Variants in LRRC69 observed in about 807,000 individuals in gnomAD.
LRRC69 encodes the protein leucine-rich repeat-containing protein 69.
LRRC69 carries 42 observed loss-of-function variants against 37.8 expected under a neutral mutation model. The observed-to-expected ratio is 1.11, with a 90% CI of 0.87 to 1.44. The LOEUF is 1.44. Among genes scored for constraint, LRRC69 ranks in the 40% most tolerant of loss-of-function variants. The pLI is 0.00. For missense variants in LRRC69, 357 were observed against 401.9 expected (o/e 0.89, Z 0.96); for synonymous variants, 141 against 143.1 (o/e 0.99, Z 0.11).
At chr8:91,159,550 G>A (rs1224134453) in intron 5 of LRRC69, among the ~76,000 whole-genome samples, 2 of 151,100 alleles carry the variant, frequency 1.3e-5, no homozygotes, top group East Asian at 2.0e-4. Context: ...ATACACTCTA[G>A]CTGAAAGAGC....
intron 5 of LRRC69, among the ~76,000 whole-genome samples, chr8:91,154,691 T>C (rs1292905994): frequency 6.6e-6 from 1 of 151,662 alleles, no homozygotes; most frequent in Non-Finnish European, 1.5e-5. Context: ...TGTTAAAAAC[T>C]CTCAATAAAC....
At chr8:91,140,875 G>C (rs1365966334) in intron 5 of LRRC69, among the ~76,000 whole-genome samples, 1 of 97,540 alleles carries the variant, frequency 1.0e-5, no homozygotes, top group Admixed American at 9.0e-5. Context: ...GGATGGTCTC[G>C]ATCTCCTGAC....
intron 7 of LRRC69, among the ~76,000 whole-genome samples, chr8:91,201,589 A>T (rs1182474056): frequency 6.6e-6 from 1 of 152,184 alleles, no homozygotes; most frequent in Non-Finnish European, 1.5e-5. Context: ...AGGTGGGTCA[A>T]ATTTGGCCTG....
chr8:91,180,576 C>T lies in LRRC69; in HGVS notation c.652-8946C>T, dbSNP rs576773747. 2.6e-5 allele frequency among the ~76,000 whole-genome samples: 4 copies of T among 152,252 alleles called. No homozygotes were observed. The East Asian group carries it at 7.7e-4, about 29-fold the overall frequency. ...AATTAGGCTCTACCTCTTAAAGGAG[C>T]AGTAACAAATAATTTGTGGATATAT... On this transcript the variant is annotated intron_variant, in intron 5 of 7. Transcript: ENST00000448384.
At chr8:91,176,561 G>T (rs1382828786) in intron 5 of LRRC69, among the ~76,000 whole-genome samples, 1 of 152,056 alleles carries the variant, frequency 6.6e-6, no homozygotes, top group African/African-American at 2.4e-5. Flanking sequence ...ATGATTATGG[G>T]TTTGAGCAGT....
intron 6 of LRRC69, among the ~76,000 whole-genome samples, chr8:91,193,725 T>C (rs1469115841): frequency 7.4e-5 from 10 of 134,486 alleles, no homozygotes; most frequent in Non-Finnish European, 1.1e-4. Flanking sequence ...CTGAAGTTGC[T>C]TATCAGCTTA....
intron 5 of LRRC69, among the ~76,000 whole-genome samples, chr8:91,145,137 A>G (rs761980869): frequency 1.3e-5 from 2 of 151,990 alleles, no homozygotes; most frequent in Non-Finnish European, 2.9e-5. Context: ...ATTGTGGGAA[A>G]GAAACTCCTT....
chr8:91,190,271 T>G lies in LRRC69; in HGVS notation c.753+648T>G, dbSNP rs371288181. 1.2e-4 allele frequency among the ~76,000 whole-genome samples: 18 copies of G among 152,002 alleles called. No individual in the cohort carries two copies. The South Asian group carries it at 2.1e-3, about 18-fold the overall frequency. ...GTCTTGTCCAGTGGCTTACTTTGTT[T>G]TTTTTTTTTTAATTAAATTATTGTA... On this transcript the variant is annotated intron_variant, in intron 6 of 7. Transcript: ENST00000448384.
At chr8:91,176,134 A>ATATTTTTTTTTTTTTT in intron 5 of LRRC69, among the ~76,000 whole-genome samples, 2 of 75,702 alleles carry the variant, frequency 2.6e-5, no homozygotes, top group African/African-American at 6.1e-5. Context: ...ATATATATAT[A>ATATTTTTTTTTTTTTT]TTTTTTTTTT....
intron 7 of LRRC69, among the ~76,000 whole-genome samples, chr8:91,202,201 G>A (rs1809721544): frequency 6.6e-6 from 1 of 151,128 alleles, no homozygotes; most frequent in South Asian, 2.1e-4. Flanking sequence ...GCGAGACTCT[G>A]TCTAAAACAA....
chr8:91,185,460 T>A (rs1407359009), intron 5 of LRRC69, among the ~76,000 whole-genome samples: 1 of 152,154 alleles, frequency 6.6e-6, no homozygotes, highest in Non-Finnish European at 1.5e-5. Context: ...CCTCTAAGGA[T>A]CTTCTCTTGG....
intron 7 of LRRC69, among the ~76,000 whole-genome samples, chr8:91,203,679 G>T (rs1418141445): frequency 6.6e-6 from 1 of 151,734 alleles, no homozygotes; most frequent in Non-Finnish European, 1.5e-5. Flanking sequence ...GATTACAAGC[G>T]TAAGCCACTG....
chr8:91,180,924 T>C (rs1364040319), intron 5 of LRRC69, among the ~76,000 whole-genome samples: 3 of 152,052 alleles, frequency 2.0e-5, no homozygotes, highest in African/African-American at 7.2e-5. Flanking sequence ...GATAATTGTG[T>C]AGAAAGTGAA....
chr8:91,146,493 C>G (rs891973182), intron 5 of LRRC69, among the ~76,000 whole-genome samples: 1 of 150,826 alleles, frequency 6.6e-6, no homozygotes, highest in African/African-American at 2.4e-5. Context: ...AAATGTGGCT[C>G]TTGTACAGAC....
intron 5 of LRRC69, among the ~76,000 whole-genome samples, chr8:91,180,286 T>C (rs1809302344): frequency 6.6e-6 from 1 of 152,142 alleles, no homozygotes; most frequent in African/African-American, 2.4e-5. Flanking sequence ...AGCTGGAGGA[T>C]CTGCTTCCAA....
intron 5 of LRRC69, among the ~76,000 whole-genome samples, chr8:91,178,238 A>G (rs1369903900): frequency 6.6e-6 from 1 of 152,214 alleles, no homozygotes; most frequent in Admixed American, 6.5e-5. Flanking sequence ...TAGATGACAG[A>G]GTAGTAGTTG....
At chr8:91,206,847 G>T (rs568232734) in intron 7 of LRRC69, 2 of 1,287,860 alleles carry the variant, frequency 1.6e-6, no homozygotes, top group African/African-American at 3.0e-5. Flanking sequence ...GAGAAACCAA[G>T]TAATTTTGCC....
chr8:91,200,359 C>T (rs999937900), intron 6 of LRRC69, among the ~76,000 whole-genome samples: 7 of 152,142 alleles, frequency 4.6e-5, no homozygotes, highest in South Asian at 2.1e-4. Flanking sequence ...AAATGTATTA[C>T]GACTTGGATT....
intron 5 of LRRC69, among the ~76,000 whole-genome samples, chr8:91,141,832 A>G (rs1808537877): frequency 6.6e-6 from 1 of 152,030 alleles, no homozygotes; most frequent in Admixed American, 6.6e-5. Context: ...GTTCAAAATA[A>G]TAAGGGGAAA....
Sources: allele counts gnomAD v4.1 joint callset (sites outside exome capture counted in the v4.1 genomes callset), GRCh38; gene constraint gnomAD v4.1.1; transcripts MANE v1.5; gene names NCBI Gene and HGNC (gene_info 2026-07-23, HGNC 2026-07-21).